The following MYO9A variants were observed in gnomAD, a reference collection of about 807,000 sequenced individuals.
The protein encoded by MYO9A is unconventional myosin-IXa.
A neutral mutation model predicts 293.3 loss-of-function variants in MYO9A; 103 were observed. The ratio of observed to expected loss-of-function variants is 0.35; its 90% CI spans 0.30 to 0.41. MYO9A has a LOEUF of 0.41. MYO9A is among the 10% of genes least tolerant of loss of function. The pLI is 1.00. For synonymous variants in MYO9A, 1,001 were observed against 1,035.7 expected (o/e 0.97, Z 0.64); for missense variants, 2,685 against 3,033.0 (o/e 0.89, Z 2.69).
intron 1 of MYO9A, among the ~76,000 whole-genome samples, chr15:72,100,985 C>T (rs1326575499): frequency 3.8e-5 from 5 of 132,314 alleles, no homozygotes; most frequent in African/African-American, 1.1e-4. Context: ...GTCAGCCCCC[C>T]GCCTGGCCAG....
intron 14 of MYO9A, among the ~76,000 whole-genome samples, chr15:71,957,170 T>G (rs1302076126): frequency 6.6e-6 from 1 of 152,204 alleles, no homozygotes; most frequent in African/African-American, 2.4e-5. Context: ...CAAAACGTAT[T>G]ACGGAGTGGC....
Position 72,077,721 on chromosome 15 carries a change from C to A in MYO9A, c.-71-31087G>T, listed in dbSNP as rs530766257. Among the ~76,000 whole-genome samples the A allele has an allele frequency of 1.2e-3, 140 of 114,952 alleles. 2 individuals are homozygous for A. The Middle Eastern group carries it at 0.023, about 19-fold the overall frequency. The allele number at this position is 114,952 out of a possible 152,430, so 75.4% of individuals were successfully genotyped here. A position where few individuals can be genotyped will look rare whatever the true frequency, so the allele number is the denominator to read the frequency against. On this transcript the variant is annotated intron_variant, in intron 1 of 41. Coordinates refer to ENST00000356056, the MANE Select transcript of MYO9A (RefSeq NM_006901.4). ...CTCCAGCCTGGGCAACAGAGTGAGA[C>A]TCTGTCTCAAAGAAAAAAAAAAAAA...
intron 22 of MYO9A, among the ~76,000 whole-genome samples, chr15:71,901,864 G>C (rs1425948425): frequency 6.6e-6 from 1 of 152,116 alleles, no homozygotes; most frequent in Non-Finnish European, 1.5e-5. Flanking sequence ...GAAAACCATA[G>C]ATCTTGAAGC....
At chr15:71,998,565 C>CTTTTTTTTTTTTTTTTTTTTTTTTTTTT (rs11443228) in intron 9 of MYO9A, among the ~76,000 whole-genome samples, 1 of 140,088 alleles carries the variant, frequency 7.1e-6, no homozygotes, top group African/African-American at 2.6e-5. Context: ...TTTTTTTTGT[C>CTTTTTTTTTTTTTTTTTTTTTTTTTTTT]TTTTTTTTTC....
At chr15:71,989,038 G>T (rs1476575909) in intron 11 of MYO9A, among the ~76,000 whole-genome samples, 1 of 152,040 alleles carries the variant, frequency 6.6e-6, no homozygotes, top group African/African-American at 2.4e-5. Flanking sequence ...GGGATTACAG[G>T]CTCCTGTCAC....
chr15:72,030,944 C>T (rs1422739968), intron 3 of MYO9A, among the ~76,000 whole-genome samples: 1 of 152,156 alleles, frequency 6.6e-6, no homozygotes, highest in African/African-American at 2.4e-5. Context: ...AACCGGGCTA[C>T]GCAGCAGGAG....
intron 1 of MYO9A, among the ~76,000 whole-genome samples, chr15:72,107,548 C>G (rs1267591231): frequency 6.6e-6 from 1 of 151,776 alleles, no homozygotes; most frequent in Non-Finnish European, 1.5e-5. Context: ...GACTTTGCCC[C>G]TCCCCTCCAA....
At chr15:71,827,543 A>C (rs543539268) in intron 41 of MYO9A, among the ~76,000 whole-genome samples, 1 of 152,314 alleles carries the variant, frequency 6.6e-6, no homozygotes, top group Admixed American at 6.5e-5. Flanking sequence ...CAAAAAACAA[A>C]AAACTCAATC....
Position 71,825,589 on chromosome 15 carries a change from A to AAAC in MYO9A, c.*988_*990dup, listed in dbSNP as rs1380233882. ...ATGTGAATGTTTTTGGAAACTAACT[A>AAAC]AACGGTCACATTATTTGTTTGTTTG... On this transcript the variant is annotated 3_prime_UTR_variant, in exon 42 of 42. Transcript: ENST00000356056. 6.6e-6 allele frequency: 1 copy of AAAC among 152,100 alleles called. No individual in the cohort carries two copies. Among genetic ancestry groups the AAAC allele is most frequent in the Non-Finnish European group, 1.5e-5 (1 of 68,006 alleles). The allele number at this position is 152,100 out of a possible 1,614,324, so 9.4% of individuals were successfully genotyped here. A position where few individuals can be genotyped will look rare whatever the true frequency, so the allele number is the denominator to read the frequency against.
chr15:71,826,786 G>A lies in MYO9A; in HGVS notation c.7441C>T (p.Leu2481=), dbSNP rs780452700. ...CTGATGAACTGAGGCTTGTCTTCCAGGAATTTGGTCTGGCCCAATGGTCCT... is the reference window on the plus strand; with the variant it reads ...CTGATGAACTGAGGCTTGTCTTCCAAGAATTTGGTCTGGCCCAATGGTCCT... ...MEGPLGQTKF[L]EDKPQFISRG... is the part of the protein sequence containing the mutation. Residue 2481 remains leucine (L), a synonymous_variant, in exon 42 of 42, where the codon CTG becomes TTG. Coordinates refer to ENST00000356056, the MANE Select transcript of MYO9A (RefSeq NM_006901.4). The A allele has an allele frequency of 5.6e-6, 9 of 1,614,014 alleles. No individual in the cohort carries two copies. The highest frequency in any genetic ancestry group is 3.3e-5 in the Admixed American group (2 of 59,994).
intron 11 of MYO9A, among the ~76,000 whole-genome samples, chr15:71,982,924 T>C (rs532688143): frequency 7.4e-4 from 113 of 152,354 alleles, no homozygotes; most frequent in African/African-American, 2.6e-3. Flanking sequence ...CCTTTTTATC[T>C]CTAGTAATGC....
intron 12 of MYO9A, among the ~76,000 whole-genome samples, chr15:71,969,200 A>C (rs942182000): frequency 1.3e-5 from 2 of 152,204 alleles, no homozygotes; most frequent in African/African-American, 4.8e-5. Flanking sequence ...TCTAGGGATT[A>C]AACAAACATC....
intron 13 of MYO9A, among the ~76,000 whole-genome samples, chr15:71,960,953 A>C (rs913515706): frequency 2.0e-5 from 3 of 152,132 alleles, no homozygotes; most frequent in African/African-American, 7.2e-5. Context: ...GACAAGGAGA[A>C]AGTGTGGAAG....
At chr15:72,103,506 C>CAGCAGAAGCAGCAGAAGCAGTGGA (rs1567044710) in intron 1 of MYO9A, among the ~76,000 whole-genome samples, 4 of 141,830 alleles carry the variant, frequency 2.8e-5, no homozygotes, top group South Asian at 2.2e-4. Flanking sequence ...GAAGCAGTGG[C>CAGCAGAAGCAGCAGAAGCAGTGGA]AGCAGAAGCA....
chr15:71,836,263 A>G (rs911348616), intron 39 of MYO9A, among the ~76,000 whole-genome samples: 1 of 151,920 alleles, frequency 6.6e-6, no homozygotes, highest in Non-Finnish European at 1.5e-5. Flanking sequence ...AATGGCCAAC[A>G]TGTATATATA....
intron 1 of MYO9A, among the ~76,000 whole-genome samples, chr15:72,081,065 T>C (rs1400450933): frequency 6.6e-6 from 1 of 152,172 alleles, no homozygotes; most frequent in Non-Finnish European, 1.5e-5. Flanking sequence ...ATGATTTATA[T>C]TACTTTGGGT....
At chr15:71,959,158 C>A (rs1311985109) in intron 14 of MYO9A, 1 of 152,140 alleles carries the variant, frequency 6.6e-6, no homozygotes, top group Non-Finnish European at 1.5e-5. Flanking sequence ...AACTATAATT[C>A]TCCCTATACA....
chr15:71,994,437 G>A (rs780991992), intron 10 of MYO9A, 32 bp downstream of exon 10: 4 of 1,359,540 alleles, frequency 2.9e-6, no homozygotes, highest in African/African-American at 2.9e-5. Context: ...AGCTTTCAGG[G>A]AAAAACATAT....
intron 1 of MYO9A, among the ~76,000 whole-genome samples, chr15:72,057,243 T>C (rs1394386292): frequency 6.6e-6 from 1 of 152,086 alleles, no homozygotes; most frequent in Non-Finnish European, 1.5e-5. Context: ...AACTCCAGCC[T>C]TGACGAGAGA....
Sources: allele counts gnomAD v4.1 joint callset (sites outside exome capture counted in the v4.1 genomes callset), GRCh38; gene constraint gnomAD v4.1.1; transcripts MANE v1.5; gene names NCBI Gene and HGNC (gene_info 2026-07-23, HGNC 2026-07-21).